The following ARID1B variants were observed in gnomAD, a reference collection of about 807,000 sequenced individuals.
ARID1B encodes the protein AT-rich interaction domain 1B, also known as AT-rich interactive domain-containing protein 1B.
ARID1B carries 30 observed loss-of-function variants against 212.3 expected under a neutral mutation model. The ratio of observed to expected loss-of-function variants is 0.14; its 90% CI spans 0.11 to 0.19. ARID1B has a LOEUF of 0.19. Among genes scored for constraint, ARID1B ranks in the 10% least tolerant of loss-of-function variants. The probability of loss-of-function intolerance (pLI) is 1.00; values close to 1 mark genes in which losing one functional copy is unlikely to be tolerated. For synonymous variants in ARID1B, 1,402 were observed against 1,301.7 expected (o/e 1.08, Z -1.66); for missense variants, 2,891 against 3,204.0 (o/e 0.90, Z 2.36).
intron 2 of ARID1B, among the ~76,000 whole-genome samples, chr6:156,854,685 C>T (rs73790927): frequency 0.046 from 7,068 of 152,292 alleles, 509 homozygotes; most frequent in African/African-American, 0.16. Flanking sequence ...TCCTGCCACG[C>T]GGAATTGTGT....
At chr6:156,893,044 C>CATTTTTTTTTT (rs1562464668) in intron 2 of ARID1B, among the ~76,000 whole-genome samples, 1 of 88,366 alleles carries the variant, frequency 1.1e-5, no homozygotes, top group African/African-American at 5.2e-5. Flanking sequence ...CTTTTTTCTT[C>CATTTTTTTTTT]CTTTTTTTTT....
intron 3 of ARID1B, among the ~76,000 whole-genome samples, chr6:156,929,405 G>A (rs1791513581): frequency 6.6e-6 from 1 of 152,178 alleles, no homozygotes. Flanking sequence ...AACTGTGGCA[G>A]GCTGTGTGGC....
At chr6:157,042,406 C>T (rs1781945193) in intron 4 of ARID1B, among the ~76,000 whole-genome samples, 1 of 151,958 alleles carries the variant, frequency 6.6e-6, no homozygotes, top group South Asian at 2.1e-4. Flanking sequence ...CAGAATTCCA[C>T]AAAATCAAAA....
intron 8 of ARID1B, among the ~76,000 whole-genome samples, chr6:157,164,945 G>A (rs1791218748): frequency 6.6e-6 from 1 of 152,176 alleles, no homozygotes; most frequent in Admixed American, 6.5e-5. Flanking sequence ...CACAAGTGAA[G>A]ATGCTCTTCA....
chr6:156,801,734 G>A (rs1583065580), intron 1 of ARID1B, among the ~76,000 whole-genome samples: 1 of 152,056 alleles, frequency 6.6e-6, no homozygotes, highest in Middle Eastern at 3.4e-3. Flanking sequence ...CCAAACATGT[G>A]GAAGGCTGTT....
chr6:156,981,481 G>A (rs530553719), intron 4 of ARID1B, among the ~76,000 whole-genome samples: 8 of 152,252 alleles, frequency 5.3e-5, no homozygotes, highest in African/African-American at 1.9e-4. Flanking sequence ...AAAATCAAAT[G>A]AAATTGTCTT....
rs1300901140 is a variant in ARID1B at position 157,208,618 on chromosome 6, A to G, written c.*727A>G. On this transcript the variant is annotated 3_prime_UTR_variant, in exon 20 of 20. Coordinates refer to ENST00000636930, the MANE Select transcript of ARID1B (RefSeq NM_001374828.1). ...GACCTTCCACGTGACAGTTCTTCAC[A>G]ATTCCTTTCATCATTTTTTAAATAT... is the stretch of plus-strand genomic sequence containing the variant. 1 of 232,198 alleles carries G rather than the reference A, an allele frequency of 4.3e-6. No individual in the cohort carries two copies. The highest frequency in any genetic ancestry group is 8.5e-6 in the Non-Finnish European group (1 of 117,314). 14.4% of individuals were successfully genotyped at this position (232,198 alleles called of 1,614,324 possible).
At chr6:157,017,950 G>C (rs1394919559) in intron 4 of ARID1B, among the ~76,000 whole-genome samples, 1 of 122,034 alleles carries the variant, frequency 8.2e-6, no homozygotes, top group East Asian at 2.6e-4. Flanking sequence ...GGCAACATGA[G>C]ACACCATCTC....
At chr6:157,076,106 T>C (rs926457674) in intron 4 of ARID1B, among the ~76,000 whole-genome samples, 6 of 152,224 alleles carry the variant, frequency 3.9e-5, no homozygotes, top group Non-Finnish European at 4.4e-5. Context: ...ACTCTCAGTC[T>C]GAAGTCATTT....
At chr6:157,129,184 T>C (rs1371694735) in intron 6 of ARID1B, among the ~76,000 whole-genome samples, 2 of 152,240 alleles carry the variant, frequency 1.3e-5, no homozygotes, top group Non-Finnish European at 2.9e-5. Flanking sequence ...TGACATATTA[T>C]CTCAGTTGAT....
chr6:156,896,945 C>A (rs6927189), intron 2 of ARID1B, among the ~76,000 whole-genome samples: 36,290 of 152,036 alleles, frequency 0.24, 4,660 homozygotes, highest in Middle Eastern at 0.31. Context: ...TCATTTCACT[C>A]ATTTTGGAGG....
intron 2 of ARID1B, among the ~76,000 whole-genome samples, chr6:156,889,683 G>T (rs1434035063): frequency 1.3e-5 from 2 of 152,132 alleles, no homozygotes; most frequent in African/African-American, 2.4e-5. Context: ...CTGTGCCTTC[G>T]GGATCGTTTG....
intron 9 of ARID1B, 124 bp downstream of exon 9, chr6:157,167,309 C>A (rs923826712): frequency 5.8e-6 from 7 of 1,214,746 alleles, no homozygotes; most frequent in South Asian, 1.7e-5. Flanking sequence ...GGGAATCATA[C>A]TACTTTTCTG....
chr6:156,992,625 G>T (rs1778337274), intron 4 of ARID1B, among the ~76,000 whole-genome samples: 1 of 152,214 alleles, frequency 6.6e-6, no homozygotes, highest in Non-Finnish European at 1.5e-5. Flanking sequence ...ATTCAGAACG[G>T]CCTCCCATCT....
chr6:156,838,078 A>G (rs1403178845), intron 2 of ARID1B, among the ~76,000 whole-genome samples: 2 of 152,216 alleles, frequency 1.3e-5, no homozygotes, highest in African/African-American at 4.8e-5. Context: ...AGAATGAGCC[A>G]AATTCATCTC....
At chr6:156,872,444 G>A (rs932634089) in intron 2 of ARID1B, among the ~76,000 whole-genome samples, 2 of 152,080 alleles carry the variant, frequency 1.3e-5, no homozygotes, top group African/African-American at 4.8e-5. Context: ...GCCTCAGCCT[G>A]TCGAGTAGCT....
rs147384490 is a variant in ARID1B at position 157,192,572 on chromosome 6, G to A, written c.4231+2362G>A. Reference sequence around the variant, plus strand: ...TTTTTGATTGACAATGAGTTGATCCGGACATAACCCCATCTTAAATTGAGG... The same window carrying A: ...TTTTTGATTGACAATGAGTTGATCCAGACATAACCCCATCTTAAATTGAGG... On this transcript the variant is annotated intron_variant, in intron 15 of 19. Transcript: ENST00000636930. 3.5e-4 allele frequency among the ~76,000 whole-genome samples: 54 copies of A among 152,216 alleles called. No homozygotes were observed. In the East Asian group the frequency reaches 8.7e-3, roughly 24 times the overall value.
chr6:157,030,927 A>T (rs1352071766), intron 4 of ARID1B, among the ~76,000 whole-genome samples: 3 of 152,002 alleles, frequency 2.0e-5, no homozygotes, highest in Non-Finnish European at 4.4e-5. Flanking sequence ...TGTTCTTTCC[A>T]CTGCTGGCTA....
rs145972566 is a variant in ARID1B, at chr6:157,206,961, G to A, written c.6189G>A (p.Ser2063=). The change falls in exon 20 of 20, where the codon TCG becomes TCA. Residue 2063 remains serine (S), a synonymous_variant. Transcript: ENST00000636930. This position sits in a 1 kb window ranked among gnomAD's most constrained non-coding sequence, Gnocchi z 6.8. ...PLCTIAHWQD[S]LAKRCICVSN... ...GTACCATCGCGCACTGGCAGGACTCGCTGGCTAAGCGATGCATCTGTGTGT... is the reference window on the plus strand; with the variant it reads ...GTACCATCGCGCACTGGCAGGACTCACTGGCTAAGCGATGCATCTGTGTGT... The A allele has an allele frequency of 9.8e-5, 158 of 1,614,090 alleles. No homozygotes were observed. The highest frequency in any genetic ancestry group is 1.7e-4 in the Admixed American group (10 of 60,008).
Sources: allele counts gnomAD v4.1 joint callset (sites outside exome capture counted in the v4.1 genomes callset), GRCh38; gene constraint gnomAD v4.1.1; non-coding constraint Gnocchi (gnomAD v3.1); transcripts MANE v1.5; gene names NCBI Gene and HGNC (gene_info 2026-07-23, HGNC 2026-07-21).